Variants in TBC1D22A observed in about 807,000 individuals in gnomAD.
TBC1D22A encodes the protein putative GTPase activator.
TBC1D22A carries 38 observed loss-of-function variants against 60.2 expected under a neutral mutation model. The ratio of observed to expected loss-of-function variants is 0.63; its 90% CI spans 0.49 to 0.83. The LOEUF (loss-of-function observed/expected upper bound fraction) is 0.83, where lower values mean the gene tolerates loss of function less well. Ranked by LOEUF, TBC1D22A falls within the 40% of genes least tolerant of loss-of-function variation. The pLI, the probability that TBC1D22A is intolerant of heterozygous loss-of-function variation, is 0.00. For missense variants in TBC1D22A, 628 were observed against 701.0 expected, an observed-to-expected ratio of 0.90 and a Z score of 1.18; for synonymous variants, 302 against 281.7, an observed-to-expected ratio of 1.07 and a Z score of -0.72.
chr22:46,810,031 A>G (rs1228643659), intron 4 of TBC1D22A, among the ~76,000 whole-genome samples: 1 of 152,210 alleles, frequency 6.6e-6, no homozygotes, highest in Non-Finnish European at 1.5e-5. Flanking sequence ...TTTCATTTAT[A>G]TGCTTGATCA....
At chr22:46,899,241 G>A (rs574665624) in intron 7 of TBC1D22A, among the ~76,000 whole-genome samples, 14 of 152,288 alleles carry the variant, frequency 9.2e-5, no homozygotes, top group Non-Finnish European at 1.6e-4. Flanking sequence ...GAGGTCAGGA[G>A]TTCAAGACCA....
intron 11 of TBC1D22A, among the ~76,000 whole-genome samples, chr22:47,059,737 A>G (rs2148469345): frequency 6.6e-6 from 1 of 152,212 alleles, no homozygotes; most frequent in East Asian, 1.9e-4. Flanking sequence ...CTCCAGCAGC[A>G]TCCCTGCGCT....
At chr22:47,065,079 G>A (rs1311778822) in intron 11 of TBC1D22A, among the ~76,000 whole-genome samples, 4 of 152,200 alleles carry the variant, frequency 2.6e-5, no homozygotes, top group Admixed American at 6.5e-5. Context: ...CGCCTCCCGG[G>A]TTCAAGCGAT....
Position 47,060,344 on chromosome 22 carries a change from C to T in TBC1D22A, c.1329+23146C>T, listed in dbSNP as rs184120371. On this transcript the variant is annotated intron_variant, in intron 11 of 12. Coordinates refer to ENST00000337137, the MANE Select transcript of TBC1D22A (RefSeq NM_014346.5). ...GCAACCTCTGCCTCCTGGGTTCAAG[C>T]GATTCTTCTGCCTCAGCCTCCCAAG... Among the ~76,000 whole-genome samples the T allele has an allele frequency of 4.1e-3, 618 of 150,568 alleles. 7 individuals are homozygous for T. The highest frequency in any genetic ancestry group is 0.015 in the African/African-American group (594 of 40,784).
chr22:46,843,826 C>G (rs2147236323), intron 4 of TBC1D22A, among the ~76,000 whole-genome samples: 1 of 152,166 alleles, frequency 6.6e-6, no homozygotes, highest in South Asian at 2.1e-4. Context: ...GCGGATTGAC[C>G]TGTGAGCGTA....
intron 8 of TBC1D22A, among the ~76,000 whole-genome samples, chr22:46,964,626 A>G (rs957393502): frequency 7.9e-5 from 12 of 152,224 alleles, no homozygotes; most frequent in Admixed American, 7.2e-4. Flanking sequence ...TGGTTTTGAT[A>G]CAGTAGCCTC....
intron 12 of TBC1D22A, among the ~76,000 whole-genome samples, chr22:47,121,177 G>A (rs1043876123): frequency 2.6e-5 from 4 of 152,210 alleles, no homozygotes; most frequent in Non-Finnish European, 5.9e-5. Flanking sequence ...GTAAAGAATC[G>A]AAAATGGAAG....
At chr22:47,081,924 G>A (rs1452691874) in intron 11 of TBC1D22A, among the ~76,000 whole-genome samples, 2 of 152,170 alleles carry the variant, frequency 1.3e-5, no homozygotes, top group East Asian at 1.9e-4. Flanking sequence ...TTGGGAGGCC[G>A]AGGCGGGTGG....
intron 12 of TBC1D22A, among the ~76,000 whole-genome samples, chr22:47,162,856 G>A (rs2068049897): frequency 6.6e-6 from 1 of 151,586 alleles, no homozygotes; most frequent in Non-Finnish European, 1.5e-5. Flanking sequence ...CGGACCCGGT[G>A]TAGGCACTTC....
chr22:46,786,434 G>A (rs1001039346), intron 1 of TBC1D22A, among the ~76,000 whole-genome samples: 2 of 152,176 alleles, frequency 1.3e-5, no homozygotes, highest in Non-Finnish European at 1.5e-5. Flanking sequence ...GGGTTTTTAC[G>A]TGTATATTCA....
intron 11 of TBC1D22A, among the ~76,000 whole-genome samples, chr22:47,097,893 G>C (rs2065246963): frequency 6.6e-6 from 1 of 152,070 alleles, no homozygotes; most frequent in Non-Finnish European, 1.5e-5. Context: ...CTTTGCCTTT[G>C]ACTGGTCAGA....
intron 11 of TBC1D22A, among the ~76,000 whole-genome samples, chr22:47,063,391 C>A (rs932264389): frequency 6.6e-6 from 1 of 152,104 alleles, no homozygotes; most frequent in Non-Finnish European, 1.5e-5. Flanking sequence ...GGCCCGGCCT[C>A]GTCCTGGAGC....
intron 7 of TBC1D22A, among the ~76,000 whole-genome samples, chr22:46,901,409 C>T (rs1311547400): frequency 6.6e-6 from 1 of 152,130 alleles, no homozygotes; most frequent in Non-Finnish European, 1.5e-5. Flanking sequence ...GTACTTAGTT[C>T]TTTGGACATA....
At chr22:46,922,311 A>G (rs1463306996) in intron 8 of TBC1D22A, among the ~76,000 whole-genome samples, 1 of 152,202 alleles carries the variant, frequency 6.6e-6, no homozygotes, top group African/African-American at 2.4e-5. Context: ...GCCTTGAAGT[A>G]TAGTTTCAAG....
At chr22:47,159,608 A>G (rs1043385721) in intron 12 of TBC1D22A, among the ~76,000 whole-genome samples, 3 of 152,090 alleles carry the variant, frequency 2.0e-5, no homozygotes, top group African/African-American at 7.2e-5. Context: ...CACCATGTGT[A>G]CATACACTAT....
chr22:46,913,695 T>G (rs755748255), intron 8 of TBC1D22A: 6 of 985,312 alleles, frequency 6.1e-6, no homozygotes, highest in African/African-American at 1.7e-5. Flanking sequence ...GAGTTGTTAA[T>G]TGAAAGGAGA....
chr22:46,793,140 C>A (rs761672404), intron 2 of TBC1D22A, among the ~76,000 whole-genome samples: 23 of 152,254 alleles, frequency 1.5e-4, no homozygotes, highest in Non-Finnish European at 3.1e-4. Context: ...GCACCCTGCA[C>A]AGGCGCTCCT....
chr22:46,879,632 C>T (rs2067750360), intron 5 of TBC1D22A, among the ~76,000 whole-genome samples: 1 of 152,170 alleles, frequency 6.6e-6, no homozygotes, highest in Admixed American at 6.5e-5. Flanking sequence ...AGACTTGCTG[C>T]CATTGCTTAT....
At chr22:46,874,158 T>C (rs999585315) in intron 4 of TBC1D22A, among the ~76,000 whole-genome samples, 6 of 152,156 alleles carry the variant, frequency 3.9e-5, no homozygotes, top group Non-Finnish European at 8.8e-5. Context: ...TGTATATGTA[T>C]CACATTTTCT....
Sources: allele counts gnomAD v4.1 joint callset (sites outside exome capture counted in the v4.1 genomes callset), GRCh38; gene constraint gnomAD v4.1.1; transcripts MANE v1.5; gene names NCBI Gene and HGNC (gene_info 2026-07-23, HGNC 2026-07-21).